EPHB2: variants seen among roughly 807,000 people sequenced by gnomAD.
The protein encoded by EPHB2 is EPH receptor B2.
EPHB2 carries 18 observed loss-of-function variants against 96.4 expected under a neutral mutation model. The observed-to-expected ratio is 0.19, with a 90% CI of 0.13 to 0.28. EPHB2 has a LOEUF of 0.28. EPHB2 is among the 10% of genes least tolerant of loss of function. EPHB2 has a pLI of 1.00. For missense variants in EPHB2, 989 were observed against 1,355.4 expected (o/e 0.73, Z 4.25); for synonymous variants, 506 against 534.1 (o/e 0.95, Z 0.72).
chr1:22,826,230 G>C (rs956623329), intron 3 of EPHB2, among the ~76,000 whole-genome samples: 2 of 152,182 alleles, frequency 1.3e-5, no homozygotes, highest in Non-Finnish European at 2.9e-5. Context: ...CAGAAGCATA[G>C]ATAGTGCACT....
At chr1:22,804,094 A>C (rs1644889574) in intron 3 of EPHB2, among the ~76,000 whole-genome samples, 1 of 152,208 alleles carries the variant, frequency 6.6e-6, no homozygotes, top group Non-Finnish European at 1.5e-5. Flanking sequence ...TCCAAGAGGC[A>C]GAAGGGCTTG....
chr1:22,756,760 C>A (rs909441402), intron 1 of EPHB2, among the ~76,000 whole-genome samples: 4 of 152,146 alleles, frequency 2.6e-5, no homozygotes, highest in African/African-American at 9.7e-5. Context: ...CTCACAGACA[C>A]CTTGAGGGGT....
At position 22,846,775 on chromosome 1, in the gene EPHB2, G is replaced by A. The variant is rs1645549711; in HGVS notation, c.812-16262G>A. On this transcript the variant is annotated intron_variant, in intron 3 of 15. Transcript: ENST00000374630. The surrounding 1 kb of genome is among the most constrained non-coding windows in gnomAD (Gnocchi z 4.3). ...GTCTTGTCATTCTTAGTCTTCCAAC[G>A]CAGCTCAAGTGTTTGCACCTCCAGG... Among the ~76,000 whole-genome samples, 2 of 152,250 alleles carry A rather than the reference G, an allele frequency of 1.3e-5. No individual in the cohort carries two copies. Among genetic ancestry groups the A allele is most frequent in the South Asian group, 2.1e-4 (1 of 4,832 alleles).
chr1:22,740,014 G>T (rs1390482389), intron 1 of EPHB2, among the ~76,000 whole-genome samples: 1 of 152,220 alleles, frequency 6.6e-6, no homozygotes, highest in Non-Finnish European at 1.5e-5. Context: ...AGAGAAACCA[G>T]GCGCTGAGGC....
intron 5 of EPHB2, among the ~76,000 whole-genome samples, chr1:22,871,142 G>A (rs1638652284): frequency 6.6e-6 from 1 of 152,200 alleles, no homozygotes; most frequent in Non-Finnish European, 1.5e-5. Flanking sequence ...ATAGATGAAA[G>A]GAAAGCGAGG....
At chr1:22,866,598 G>T (rs1638486989) in intron 5 of EPHB2, among the ~76,000 whole-genome samples, 1 of 151,994 alleles carries the variant, frequency 6.6e-6, no homozygotes, top group African/African-American at 2.4e-5. Flanking sequence ...GAAAAAAATG[G>T]AATTCAGAAG....
chr1:22,737,615 T>C (rs570257249), intron 1 of EPHB2, among the ~76,000 whole-genome samples: 20 of 152,322 alleles, frequency 1.3e-4, no homozygotes, highest in African/African-American at 4.6e-4. Flanking sequence ...GTACTTACCC[T>C]CAGCTCTTGA....
At chr1:22,788,556 T>C (rs1644644345) in intron 3 of EPHB2, among the ~76,000 whole-genome samples, 3 of 152,126 alleles carry the variant, frequency 2.0e-5, no homozygotes, top group Non-Finnish European at 4.4e-5. Context: ...CCAAGTAACA[T>C]TGGCCAAGTG....
intron 2 of EPHB2, among the ~76,000 whole-genome samples, chr1:22,781,782 A>T (rs1162725528): frequency 1.3e-5 from 2 of 152,158 alleles, no homozygotes; most frequent in Non-Finnish European, 2.9e-5. Context: ...AGATGAAGAA[A>T]GTGAACTGTC....
chr1:22,742,655 T>C (rs928092901), intron 1 of EPHB2, among the ~76,000 whole-genome samples: 3 of 151,726 alleles, frequency 2.0e-5, no homozygotes, highest in Non-Finnish European at 4.4e-5. Context: ...TAAAGGTATA[T>C]GCCACCATGC....
intron 1 of EPHB2, among the ~76,000 whole-genome samples, chr1:22,719,951 G>T (rs1191723915): frequency 1.3e-5 from 2 of 152,156 alleles, no homozygotes; most frequent in African/African-American, 2.4e-5. Flanking sequence ...TGCTTATTCT[G>T]TTCCCCGGGT....
intron 1 of EPHB2, among the ~76,000 whole-genome samples, chr1:22,741,358 C>G (rs998094549): frequency 6.7e-4 from 102 of 152,032 alleles, no homozygotes; most frequent in African/African-American, 2.4e-3. Context: ...TTCCTGGAGC[C>G]GTCTGTTTTC....
rs1022997946 is a variant in EPHB2, at chr1:22,876,411, G to A, written c.1304-5948G>A. 6.6e-5 allele frequency among the ~76,000 whole-genome samples: 10 copies of A among 152,168 alleles called. 1 individual carries two copies. In the South Asian group the frequency reaches 1.0e-3, roughly 16 times the overall value. ...CCCCTGCATGCCCTGAGAAGGAAACGGAGGCACACAGAGGGAAGGCTCCTT... is the reference window on the plus strand; with the variant it reads ...CCCCTGCATGCCCTGAGAAGGAAACAGAGGCACACAGAGGGAAGGCTCCTT... On this transcript the variant is annotated intron_variant, in intron 5 of 15. Coordinates refer to ENST00000374630, the MANE Select transcript of EPHB2 (RefSeq NM_017449.5).
At chr1:22,739,813 A>G (rs1643882144) in intron 1 of EPHB2, among the ~76,000 whole-genome samples, 1 of 152,000 alleles carries the variant, frequency 6.6e-6, no homozygotes. Context: ...CCTCCCCCAC[A>G]TGCCCGGCCT....
intron 1 of EPHB2, among the ~76,000 whole-genome samples, chr1:22,751,624 T>G (rs1644064721): frequency 6.6e-6 from 1 of 152,208 alleles, no homozygotes; most frequent in Non-Finnish European, 1.5e-5. Flanking sequence ...GAGCTGACCC[T>G]GGGTTCAAGT....
chr1:22,854,807 A>T (rs1645675913), intron 3 of EPHB2, among the ~76,000 whole-genome samples: 1 of 152,192 alleles, frequency 6.6e-6, no homozygotes, highest in South Asian at 2.1e-4. Context: ...GAGGAGGACC[A>T]GGCATCATGC....
rs773475701 is a variant in EPHB2 at position 22,906,050 on chromosome 1, G to C, written c.1829G>C (p.Arg610Pro). The C allele has an allele frequency of 1.2e-6, 2 of 1,614,196 alleles. No homozygotes were observed. Residue 610 changes from arginine (R) to proline (P), a missense_variant, in exon 10 of 16, where the codon CGG becomes CCG. Arg to Pro is a moderately radical substitution (Grantham distance 103). Transcript: ENST00000374630. The surrounding 1 kb of genome is among the most constrained non-coding windows in gnomAD (Gnocchi z 4.8). ...TACGAGGACCCCAACGAGGCAGTGC[G>C]GGAGTTTGCCAAGGAAATTGACATC... ...FTYEDPNEAV[R>P]EFAKEIDISC...
At chr1:22,806,709 G>A (rs1055063399) in intron 3 of EPHB2, among the ~76,000 whole-genome samples, 8 of 152,252 alleles carry the variant, frequency 5.3e-5, no homozygotes, top group South Asian at 2.1e-4. Context: ...CCGAGGGCGC[G>A]CCTGGGCGGC....
rs1360290027 is a variant in EPHB2 at position 22,860,465 on chromosome 1, C to G, written c.812-2572C>G. Among the ~76,000 whole-genome samples the G allele has an allele frequency of 2.6e-5, 4 of 151,990 alleles. No individual in the cohort carries two copies. The highest frequency in any genetic ancestry group is 5.9e-5 in the Non-Finnish European group (4 of 68,002). On this transcript the variant is annotated intron_variant, in intron 3 of 15. Coordinates refer to ENST00000374630, the MANE Select transcript of EPHB2 (RefSeq NM_017449.5). This position sits in a 1 kb window ranked among gnomAD's most constrained non-coding sequence, Gnocchi z 4.6. The stretch of plus-strand genomic sequence containing the variant: ...GGTCGAACCTGGCCAGGCAACAGAG[C>G]AAATGAAGGGCGGCTTAGGGCAGGG...
Sources: allele counts gnomAD v4.1 joint callset (sites outside exome capture counted in the v4.1 genomes callset), GRCh38; gene constraint gnomAD v4.1.1; non-coding constraint Gnocchi (gnomAD v3.1); transcripts MANE v1.5; gene names NCBI Gene and HGNC (gene_info 2026-07-23, HGNC 2026-07-21).